Variants in DIPK1A observed in about 807,000 individuals in gnomAD.
The protein encoded by DIPK1A is divergent protein kinase domain 1A, also known as family with sequence similarity 69 member A.
Under a neutral mutation model 40.8 loss-of-function variants are expected in DIPK1A, and 27 were observed. That is an observed-to-expected ratio of 0.66 (90% confidence interval 0.49 to 0.91). The LOEUF (loss-of-function observed/expected upper bound fraction) is 0.91, where lower values mean the gene tolerates loss of function less well. Ranked by LOEUF, DIPK1A falls within the 40% of genes least tolerant of loss-of-function variation. The pLI, the probability that DIPK1A is intolerant of heterozygous loss-of-function variation, is 0.00. For synonymous variants in DIPK1A, 166 were observed against 171.3 expected, an observed-to-expected ratio of 0.97 and a Z score of 0.24; for missense variants, 412 against 505.7, an observed-to-expected ratio of 0.81 and a Z score of 1.78.
At chr1:92,878,052 G>GATCA (rs1648206125) in intron 1 of DIPK1A, among the ~76,000 whole-genome samples, 2 of 152,304 alleles carry the variant, frequency 1.3e-5, no homozygotes, top group Admixed American at 1.3e-4. Flanking sequence ...ATCTGAATCT[G>GATCA]ATCAAGCCTT....
intron 4 of DIPK1A, chr1:92,845,591 C>T (rs942593728): frequency 5.3e-5 from 15 of 284,874 alleles, no homozygotes; most frequent in Non-Finnish European, 1.0e-4. Context: ...GTAATCCCAG[C>T]GCTTTGGGAG....
At chr1:92,872,641 T>C (rs1322082831) in intron 2 of DIPK1A, among the ~76,000 whole-genome samples, 1 of 152,226 alleles carries the variant, frequency 6.6e-6, no homozygotes, top group Non-Finnish European at 1.5e-5. Flanking sequence ...TTTCCTTCTG[T>C]CTAGCAGACA....
chr1:92,843,722 A>G lies in DIPK1A; in HGVS notation c.948T>C (p.Ile316=). The stretch of plus-strand genomic sequence containing the variant: ...GTTCTTTCAGGTTTGTCTCTGGCAC[A>G]ATTTTTCTCATATCCACCATTTTCA... ...YDLKMVDMRK[I]VPETNLKELI... The change falls in exon 5 of 5, where the codon ATT becomes ATC. Residue 316 remains isoleucine, a synonymous_variant. Coordinates refer to ENST00000370310, the MANE Select transcript of DIPK1A (RefSeq NM_001006605.5). 6.4e-7 allele frequency: 1 copy of G among 1,551,762 alleles called. No individual in the cohort carries two copies. Among genetic ancestry groups the G allele is most frequent in the Non-Finnish European group, 8.7e-7 (1 of 1,147,004 alleles).
rs780657111 is a variant in DIPK1A, at chr1:92,833,375, CT to C, written c.475-342del. The C allele has an allele frequency of 2.5e-6, 4 of 1,597,408 alleles. No homozygotes were observed. In the South Asian group the frequency reaches 4.4e-5, roughly 18 times the overall value. On this transcript the variant is annotated intron_variant, in intron 4 of 4. Transcript: ENST00000615519. ...AAGACATCAAAGTTTTAATAACATT[CT>C]TTTTTCTTTAAGGGGTTTGTTAAAG... is the stretch of plus-strand genomic sequence containing the variant.
intron 1 of DIPK1A, among the ~76,000 whole-genome samples, chr1:92,900,875 T>C (rs1002390311): frequency 2.0e-5 from 3 of 152,032 alleles, no homozygotes; most frequent in Non-Finnish European, 4.4e-5. Flanking sequence ...TTCCTTGCTT[T>C]TTCATGTTTT....
chr1:92,893,431 C>A (rs375358870), intron 1 of DIPK1A, among the ~76,000 whole-genome samples: 3 of 151,476 alleles, frequency 2.0e-5, no homozygotes, highest in South Asian at 2.1e-4. Flanking sequence ...GAAATAAAAT[C>A]CTTTACAGAC....
chr1:92,858,842 G>A (rs1390378491), intron 2 of DIPK1A, among the ~76,000 whole-genome samples: 1 of 152,176 alleles, frequency 6.6e-6, no homozygotes, highest in East Asian at 1.9e-4. Flanking sequence ...TTCAGGCACA[G>A]CCACAGACAC....
chr1:92,862,077 C>A (rs1647307973), intron 2 of DIPK1A, among the ~76,000 whole-genome samples: 1 of 152,168 alleles, frequency 6.6e-6, no homozygotes, highest in Admixed American at 6.5e-5. Flanking sequence ...TCCTTTCTCA[C>A]CATCTTAAGT....
chr1:92,868,597 GT>G (rs1381248194), intron 2 of DIPK1A, among the ~76,000 whole-genome samples: 4 of 152,074 alleles, frequency 2.6e-5, no homozygotes, highest in African/African-American at 7.2e-5. Flanking sequence ...TATTACATAT[GT>G]TTTCATTGCA....
At chr1:92,838,892 CA>C (rs1353301087), downstream of DIPK1A, among the ~76,000 whole-genome samples, 1 of 152,168 alleles carries the variant, frequency 6.6e-6, no homozygotes, top group African/African-American at 2.4e-5. Flanking sequence ...AGCATTTTTG[CA>C]TTATTTTCCT....
chr1:92,881,199 C>T (rs1288243176), intron 1 of DIPK1A, among the ~76,000 whole-genome samples: 1 of 123,472 alleles, frequency 8.1e-6, no homozygotes, highest in Non-Finnish European at 1.7e-5. Context: ...AAAAAAAAGG[C>T]TACTTCTATT....
chr1:92,949,740 G>A (rs1053604641), intron 1 of DIPK1A, among the ~76,000 whole-genome samples: 2 of 152,190 alleles, frequency 1.3e-5, no homozygotes, highest in African/African-American at 4.8e-5. Context: ...GCTAGGGGCA[G>A]GATGAAGTGG....
In DIPK1A at chr1:92,846,093, T is replaced by C. The variant is rs1333047459; in HGVS notation, c.474+1090A>G. The C allele has an allele frequency of 2.5e-5, 4 of 159,438 alleles. No individual in the cohort carries two copies. The East Asian group carries it at 6.7e-4, about 27-fold the overall frequency. The allele number at this position is 159,438 out of a possible 1,614,324, so 9.9% of individuals were successfully genotyped here. ...GTGCTTACCCCAGGCTGTGTTCTTA[T>C]ACTGACTGTATAGAATGAGGAGGTG... On this transcript the variant is annotated intron_variant, in intron 4 of 4. Coordinates refer to ENST00000370310, the MANE Select transcript of DIPK1A (RefSeq NM_001006605.5).
chr1:92,838,960 T>A (rs1687229814), downstream of DIPK1A, among the ~76,000 whole-genome samples: 1 of 152,324 alleles, frequency 6.6e-6, no homozygotes, highest in African/African-American at 2.4e-5. Flanking sequence ...GATTGAATAA[T>A]TTTAGAGACC....
At chr1:92,887,210 A>G (rs1186014026) in intron 1 of DIPK1A, among the ~76,000 whole-genome samples, 1 of 146,912 alleles carries the variant, frequency 6.8e-6, no homozygotes, top group Non-Finnish European at 1.5e-5. Context: ...TGAGCCCAGG[A>G]GTTTGAGACC....
At chr1:92,847,563 G>A (rs1242648712) in intron 3 of DIPK1A, among the ~76,000 whole-genome samples, 3 of 152,088 alleles carry the variant, frequency 2.0e-5, no homozygotes, top group Admixed American at 2.0e-4. Flanking sequence ...TAAATTATAA[G>A]AGTAATGCAT....
intron 4 of DIPK1A, chr1:92,834,629 A>G (rs1282525267): frequency 2.0e-5 from 20 of 1,015,372 alleles, no homozygotes; most frequent in Non-Finnish European, 2.2e-5. Context: ...AGCACCTCTA[A>G]TTTACTGGTA....
chr1:92,868,609 CT>C (rs1315971974), intron 2 of DIPK1A, among the ~76,000 whole-genome samples: 3 of 152,122 alleles, frequency 2.0e-5, no homozygotes, highest in African/African-American at 7.2e-5. Flanking sequence ...TTTCATTGCA[CT>C]TGTCAGTACC....
In DIPK1A at chr1:92,842,548, T is replaced by G. The variant is rs1176761001; in HGVS notation, c.*835A>C. The G allele has an allele frequency of 2.0e-6, 2 of 984,830 alleles. No individual in the cohort carries two copies. Among genetic ancestry groups the G allele is most frequent in the Non-Finnish European group, 2.4e-6 (2 of 829,512 alleles). 61.0% of individuals were successfully genotyped at this position (984,830 alleles called of 1,614,324 possible). A position where few individuals can be genotyped will look rare whatever the true frequency, so the allele number is the denominator to read the frequency against. The stretch of plus-strand genomic sequence containing the variant: ...AAATAGCCCTTTGGCCCACAGGATA[T>G]ACTGTTTGAAAATGGAAAGTTATTA... On this transcript the variant is annotated 3_prime_UTR_variant, in exon 5 of 5. Coordinates refer to ENST00000370310, the MANE Select transcript of DIPK1A (RefSeq NM_001006605.5).
Sources: gnomAD v4.1 joint callset for allele counts (sites outside exome capture counted in the v4.1 genomes callset) on GRCh38, gnomAD v4.1.1 for gene constraint, MANE v1.5 for transcripts, NCBI Gene and HGNC (gene_info 2026-07-23, HGNC 2026-07-21) for gene names.